The following SETD7 variants were observed in gnomAD, a reference collection of about 807,000 sequenced individuals.
SETD7 encodes histone-lysine N-methyltransferase SETD7.
SETD7 carries 16 observed loss-of-function variants against 41.8 expected under a neutral mutation model. The observed-to-expected ratio is 0.38, with a 90% CI of 0.26 to 0.58. SETD7 has a LOEUF of 0.58. Ranked by LOEUF, SETD7 falls within the 20% of genes least tolerant of loss-of-function variation. The pLI is 0.64. For synonymous variants in SETD7, 163 were observed against 169.7 expected, an observed-to-expected ratio of 0.96 and a Z score of 0.31; for missense variants, 346 against 459.7, an observed-to-expected ratio of 0.75 and a Z score of 2.26.
At chr4:139,512,674 C>T (rs1267942793) in intron 7 of SETD7, among the ~76,000 whole-genome samples, 2 of 151,882 alleles carry the variant, frequency 1.3e-5, no homozygotes, top group African/African-American at 2.4e-5. Context: ...TAAGGCATGG[C>T]CAGAAGAAAT....
chr4:139,497,840 G>A (rs1215756801), intron 7 of SETD7, among the ~76,000 whole-genome samples: 18 of 152,022 alleles, frequency 1.2e-4, no homozygotes, highest in African/African-American at 1.5e-4. Flanking sequence ...TGATCCACCC[G>A]CCTCGGCCTC....
intron 3 of SETD7, among the ~76,000 whole-genome samples, chr4:139,530,560 G>C (rs1727455975): frequency 6.6e-6 from 1 of 152,136 alleles, no homozygotes; most frequent in Admixed American, 6.5e-5. Flanking sequence ...TGCAAGATCT[G>C]CTTTCAGGCT....
At chr4:139,503,795 G>C (rs1005413471), downstream of SETD7, among the ~76,000 whole-genome samples, 2 of 152,148 alleles carry the variant, frequency 1.3e-5, no homozygotes, top group African/African-American at 4.8e-5. Context: ...TTTCCTACTT[G>C]CTGGGAGAGC....
At chr4:139,526,026 T>G (rs1171716244) in intron 4 of SETD7, among the ~76,000 whole-genome samples, 1 of 145,476 alleles carries the variant, frequency 6.9e-6, no homozygotes, top group East Asian at 2.0e-4. Flanking sequence ...AACCAGAAGG[T>G]TTTTGTTGTT....
chr4:139,548,366 C>T (rs1440534896), intron 1 of SETD7, among the ~76,000 whole-genome samples: 1 of 152,128 alleles, frequency 6.6e-6, no homozygotes, highest in East Asian at 1.9e-4. Context: ...CATGGTGGCT[C>T]ACGCCTATAA....
chr4:139,546,213 T>G (rs1322451146), intron 2 of SETD7: 3 of 154,458 alleles, frequency 1.9e-5, no homozygotes, highest in African/African-American at 7.2e-5. Context: ...AGTATTAAAT[T>G]ATCACACAAA....
chr4:139,496,313 A>T (rs1304712294), exon 8 of SETD7: 1 of 688,642 alleles, frequency 1.5e-6, no homozygotes, highest in East Asian at 2.7e-5. Flanking sequence ...AATTGCCATT[A>T]TCAGTAGGCA....
chr4:139,519,360 G>A (rs114431867), intron 6 of SETD7, among the ~76,000 whole-genome samples: 19 of 152,332 alleles, frequency 1.2e-4, no homozygotes, highest in African/African-American at 3.6e-4. Flanking sequence ...AGCAAGTTGT[G>A]TAATCTCTCT....
intron 2 of SETD7, among the ~76,000 whole-genome samples, chr4:139,544,797 AGTGTGTGTGT>A (rs10581648): frequency 7.6e-5 from 11 of 144,840 alleles, no homozygotes; most frequent in African/African-American, 2.3e-4. Context: ...CCAGATTTAA[AGTGTGTGTGT>A]GTGTGTGTGT....
downstream of SETD7, among the ~76,000 whole-genome samples, chr4:139,493,662 C>T (rs1726398442): frequency 6.6e-6 from 1 of 151,910 alleles, no homozygotes; most frequent in Admixed American, 6.6e-5. Context: ...ACCTCAGCCT[C>T]TCGAGTAGCT....
intron 2 of SETD7, among the ~76,000 whole-genome samples, chr4:139,534,815 T>G (rs1239807738): frequency 2.0e-5 from 3 of 152,170 alleles, no homozygotes; most frequent in Admixed American, 2.0e-4. Flanking sequence ...AGGACTTAGG[T>G]GGCTGCACCT....
chr4:139,535,380 T>C (rs1727610193), intron 2 of SETD7, among the ~76,000 whole-genome samples: 1 of 152,244 alleles, frequency 6.6e-6, no homozygotes, highest in Non-Finnish European at 1.5e-5. Flanking sequence ...GTGTCCTGGA[T>C]TTAACTAGAT....
chr4:139,546,040 T>G (rs1343153864), intron 2 of SETD7, among the ~76,000 whole-genome samples: 1 of 152,120 alleles, frequency 6.6e-6, no homozygotes, highest in Non-Finnish European at 1.5e-5. Context: ...CATCTCTTCT[T>G]GAAAGAAAAA....
chr4:139,555,281 C>T lies in SETD7; in HGVS notation c.40+817G>A, dbSNP rs1728225629. ...AGAGAAGGGGCGGAGAAACACGACA[C>T]TGAGGCGGTGATATCACCCACAGCC... is the stretch of plus-strand genomic sequence containing the variant. On this transcript the variant is annotated intron_variant, in intron 1 of 7. Transcript: ENST00000274031. This position sits in a 1 kb window ranked among gnomAD's most constrained non-coding sequence, Gnocchi z 4.0. Among the ~76,000 whole-genome samples the T allele has an allele frequency of 6.6e-6, 1 of 151,274 alleles. No individual in the cohort carries two copies. Among genetic ancestry groups the T allele is most frequent in the South Asian group, 2.1e-4 (1 of 4,798 alleles).
chr4:139,518,176 G>T, intron 6 of SETD7, 134 bp from the exon 7 acceptor site: 1 of 955,742 alleles, frequency 1.0e-6, no homozygotes, highest in Non-Finnish European at 1.5e-6. Flanking sequence ...CACCTAGGCT[G>T]GAGCGCAAGT....
chr4:139,503,383 T>G (rs2111111212), downstream of SETD7, among the ~76,000 whole-genome samples: 1 of 151,904 alleles, frequency 6.6e-6, no homozygotes, highest in African/African-American at 2.4e-5. Flanking sequence ...ATAAGTATGG[T>G]TAGGAGAGCA....
chr4:139,540,841 G>A (rs1727760071), intron 2 of SETD7, among the ~76,000 whole-genome samples: 1 of 152,206 alleles, frequency 6.6e-6, no homozygotes, highest in Non-Finnish European at 1.5e-5. Flanking sequence ...AGGTTGGAAT[G>A]CATGACTTCA....
At chr4:139,552,077 A>AT (rs563386290) in intron 1 of SETD7, among the ~76,000 whole-genome samples, 3 of 151,832 alleles carry the variant, frequency 2.0e-5, no homozygotes, top group Admixed American at 6.6e-5. Flanking sequence ...TACCTGGATA[A>AT]TTTTTTTTAA....
At chr4:139,541,429 C>G (rs922166614) in intron 2 of SETD7, among the ~76,000 whole-genome samples, 1 of 152,188 alleles carries the variant, frequency 6.6e-6, no homozygotes, top group African/African-American at 2.4e-5. Context: ...TTTCATCACA[C>G]CCCATGGTAC....
Sources: allele counts gnomAD v4.1 joint callset (sites outside exome capture counted in the v4.1 genomes callset), GRCh38; gene constraint gnomAD v4.1.1; non-coding constraint Gnocchi (gnomAD v3.1); transcripts MANE v1.5; gene names NCBI Gene and HGNC (gene_info 2026-07-23, HGNC 2026-07-21).